Variants in BCAS2 observed in about 807,000 individuals in gnomAD.
BCAS2 encodes pre-mRNA-splicing factor SPF27.
A neutral mutation model predicts 35.3 loss-of-function variants in BCAS2; 34 were observed. That is an observed-to-expected ratio of 0.96 (90% CI 0.73 to 1.28). The LOEUF (loss-of-function observed/expected upper bound fraction) is 1.28. Among genes scored for constraint, BCAS2 ranks in the 50% most tolerant of loss-of-function variants. The pLI is 0.00. For missense variants in BCAS2, 221 were observed against 268.1 expected (o/e 0.82, Z 1.23); for synonymous variants, 75 against 91.6 (o/e 0.82, Z 1.03).
chr1:114,571,433 G>A (rs937797714), intron 4 of BCAS2, among the ~76,000 whole-genome samples: 9 of 152,008 alleles, frequency 5.9e-5, no homozygotes, highest in Admixed American at 5.9e-4. Context: ...TGCAATCATG[G>A]CAGCCTCAAC....
At chr1:114,574,727 T>C (rs1654718977) in intron 4 of BCAS2, among the ~76,000 whole-genome samples, 1 of 152,234 alleles carries the variant, frequency 6.6e-6, no homozygotes, top group Non-Finnish European at 1.5e-5. Flanking sequence ...TAGTTTGGTT[T>C]AGGTCCTGTT....
chr1:114,575,197 T>C (rs1317045030), intron 4 of BCAS2, among the ~76,000 whole-genome samples: 4 of 146,482 alleles, frequency 2.7e-5, no homozygotes, highest in African/African-American at 1.0e-4. Context: ...TTTTTTTTTT[T>C]TTTTTTTTGA....
intron 3 of BCAS2, 58 bp from the exon 4 acceptor site, chr1:114,575,809 CTT>C (rs1654748781): frequency 1.3e-6 from 2 of 1,558,496 alleles, no homozygotes; most frequent in African/African-American, 2.8e-5. Context: ...CTTTACATCT[CTT>C]CTCAGTAGAA....
intron 4 of BCAS2, among the ~76,000 whole-genome samples, chr1:114,571,976 T>G (rs989624810): frequency 4.6e-5 from 7 of 152,240 alleles, no homozygotes; most frequent in Admixed American, 1.3e-4. Context: ...AGAGAAGTAA[T>G]GAAACAGATT....
At chr1:114,570,164 C>A in intron 5 of BCAS2, 92 bp from the exon 6 acceptor site, 1 of 865,682 alleles carries the variant, frequency 1.2e-6, no homozygotes. Flanking sequence ...ATCTTAATCC[C>A]ATGAGAACAA....
At chr1:114,568,868 T>C (rs1654584199) in intron 6 of BCAS2, among the ~76,000 whole-genome samples, 1 of 144,148 alleles carries the variant, frequency 6.9e-6, no homozygotes, top group South Asian at 2.4e-4. Flanking sequence ...GCTCAAGCAA[T>C]CCTCCAACCT....
chr1:114,572,714 T>C (rs1321599629), intron 4 of BCAS2, among the ~76,000 whole-genome samples: 1 of 152,078 alleles, frequency 6.6e-6, no homozygotes, highest in East Asian at 1.9e-4. Flanking sequence ...CAAGGGCAAG[T>C]AAAGGCCCAG....
intron 4 of BCAS2, among the ~76,000 whole-genome samples, chr1:114,573,146 A>C (rs1402472381): frequency 1.5e-5 from 2 of 136,060 alleles, no homozygotes; most frequent in African/African-American, 5.4e-5. Flanking sequence ...AAAAAAAAAA[A>C]AAAAACTTGG....
intron 4 of BCAS2, among the ~76,000 whole-genome samples, chr1:114,574,146 A>T (rs1654706294): frequency 6.6e-6 from 1 of 152,230 alleles, no homozygotes; most frequent in Non-Finnish European, 1.5e-5. Context: ...CAGAAACAGG[A>T]TGTCAGTGGC....
At chr1:114,570,782 A>G in intron 4 of BCAS2, 32 bp from the exon 5 acceptor site, 1 of 1,433,756 alleles carries the variant, frequency 7.0e-7, no homozygotes, top group Non-Finnish European at 9.7e-7. Flanking sequence ...AGATTAAAAT[A>G]CATTAAAATA....
chr1:114,569,664 A>ATT (rs768378562), intron 6 of BCAS2, among the ~76,000 whole-genome samples: 16 of 135,812 alleles, frequency 1.2e-4, no homozygotes, highest in Admixed American at 9.0e-4. Flanking sequence ...CACCGTGCCT[A>ATT]TTTTTTTTTT....
intron 4 of BCAS2, among the ~76,000 whole-genome samples, chr1:114,572,318 G>A (rs1476131128): frequency 1.3e-5 from 2 of 152,144 alleles, no homozygotes; most frequent in African/African-American, 2.4e-5. Context: ...ACTCCATGCT[G>A]AGCACTATTG....
intron 2 of BCAS2, among the ~76,000 whole-genome samples, chr1:114,579,841 G>C (rs7550209): frequency 1.3e-5 from 2 of 152,276 alleles, no homozygotes; most frequent in South Asian, 4.1e-4. Context: ...ACTCCAGCCT[G>C]GGTGACGTAA....
rs893636634 is a variant in BCAS2 at position 114,577,407 on chromosome 1, T to C, written c.187-649A>G. Among the ~76,000 whole-genome samples the C allele has an allele frequency of 2.0e-5, 3 of 152,178 alleles. No individual in the cohort carries two copies. In the East Asian group the frequency reaches 5.8e-4, roughly 29 times the overall value. ...TTTTTTGTGAGACGAAGTCTCGCTCTTGTCCCCCAGGCTGGAGCGCAATGG... is the reference window on the plus strand; with the variant it reads ...TTTTTTGTGAGACGAAGTCTCGCTCCTGTCCCCCAGGCTGGAGCGCAATGG... On this transcript the variant is annotated intron_variant, in intron 2 of 6. Transcript: ENST00000369541.
chr1:114,578,056 T>C (rs1015799773), intron 2 of BCAS2, among the ~76,000 whole-genome samples: 45 of 152,248 alleles, frequency 3.0e-4, no homozygotes, highest in African/African-American at 1.0e-3. Context: ...CTGGGCGTGA[T>C]GGCACGTGCC....
chr1:114,573,122 C>CAAAAAAA (rs34796829), intron 4 of BCAS2, among the ~76,000 whole-genome samples: 4 of 6,366 alleles, frequency 6.3e-4, no homozygotes, highest in African/African-American at 2.5e-3. Flanking sequence ...CCCCCACCTC[C>CAAAAAAA]AAAAAAAAAA....
Position 114,577,030 on chromosome 1 carries a change from T to A in BCAS2, c.187-272A>T, listed in dbSNP as rs533058354. Among the ~76,000 whole-genome samples, 18 of 152,262 alleles carry A rather than the reference T, an allele frequency of 1.2e-4. No individual in the cohort carries two copies. The South Asian group carries it at 3.3e-3, about 28-fold the overall frequency. ...AGTGGTTCTTAATTCCAGAAGCATA[T>A]CAGAATCAGTTCGACAGTGCTATGG... On this transcript the variant is annotated intron_variant, in intron 2 of 6. Transcript: ENST00000369541.
At chr1:114,571,533 C>CT (rs1027213937) in intron 4 of BCAS2, among the ~76,000 whole-genome samples, 2 of 151,790 alleles carry the variant, frequency 1.3e-5, no homozygotes, top group African/African-American at 4.8e-5. Context: ...ATTTTCATTA[C>CT]TTTTTTGTAG....
chr1:114,577,277 A>G (rs1028547383), intron 2 of BCAS2, among the ~76,000 whole-genome samples: 5 of 152,128 alleles, frequency 3.3e-5, no homozygotes, highest in East Asian at 1.9e-4. Flanking sequence ...AGGACTGTAC[A>G]CCAAGTCCAC....
Sources: gnomAD v4.1 joint callset for allele counts (sites outside exome capture counted in the v4.1 genomes callset) on GRCh38, gnomAD v4.1.1 for gene constraint, MANE v1.5 for transcripts, NCBI Gene and HGNC (gene_info 2026-07-23, HGNC 2026-07-21) for gene names.